VPS13B: variants seen among roughly 807,000 people sequenced by gnomAD.
VPS13B encodes intermembrane lipid transfer protein VPS13B.
VPS13B carries 285 observed loss-of-function variants against 426.4 expected under a neutral mutation model. The observed-to-expected ratio is 0.67, with a 90% confidence interval of 0.61 to 0.74. The LOEUF is 0.74. Ranked by LOEUF, VPS13B falls within the 30% of genes least tolerant of loss-of-function variation. The probability of loss-of-function intolerance (pLI) is 0.00; values close to 1 mark genes in which losing one functional copy is unlikely to be tolerated. For synonymous variants in VPS13B, 1,676 were observed against 1,676.4 expected, an observed-to-expected ratio of 1.00 and a Z score of 0.01; for missense variants, 4,537 against 4,782.6, an observed-to-expected ratio of 0.95 and a Z score of 1.51.
chr8:99,203,409 C>T (rs1814478089), intron 17 of VPS13B, among the ~76,000 whole-genome samples: 1 of 152,146 alleles, frequency 6.6e-6, no homozygotes, highest in Admixed American at 6.5e-5. Flanking sequence ...CAGTATCATA[C>T]TGAACAGGCA....
At chr8:99,090,783 C>T (rs899224254) in intron 3 of VPS13B, among the ~76,000 whole-genome samples, 2 of 151,970 alleles carry the variant, frequency 1.3e-5, no homozygotes, top group African/African-American at 4.8e-5. Flanking sequence ...TGTTCAATAA[C>T]CCAGTTCCCC....
intron 58 of VPS13B, among the ~76,000 whole-genome samples, chr8:99,862,712 A>C (rs1406353259): frequency 6.6e-6 from 1 of 152,160 alleles, no homozygotes; most frequent in African/African-American, 2.4e-5. Flanking sequence ...AGTGCAGAGC[A>C]AAGGGTAGAA....
intron 33 of VPS13B, among the ~76,000 whole-genome samples, chr8:99,591,434 T>G (rs1167679478): frequency 6.6e-6 from 1 of 152,142 alleles, no homozygotes; most frequent in Non-Finnish European, 1.5e-5. Flanking sequence ...ATGATGCAGT[T>G]TCTTCATAGC....
intron 27 of VPS13B, among the ~76,000 whole-genome samples, chr8:99,506,171 G>A (rs772390407): frequency 6.6e-6 from 1 of 152,132 alleles, no homozygotes; most frequent in Admixed American, 6.5e-5. Context: ...TATAATCACT[G>A]AGATGGAGCA....
intron 16 of VPS13B, among the ~76,000 whole-genome samples, chr8:99,189,857 A>G (rs1813457241): frequency 6.6e-6 from 1 of 152,124 alleles, no homozygotes; most frequent in Non-Finnish European, 1.5e-5. Flanking sequence ...AGCCTTTTTC[A>G]TTCTACTTAG....
intron 21 of VPS13B, among the ~76,000 whole-genome samples, chr8:99,403,210 T>C (rs950799337): frequency 4.6e-5 from 7 of 152,174 alleles, no homozygotes; most frequent in Non-Finnish European, 7.3e-5. Flanking sequence ...GTTTTGTACA[T>C]GGCTGGGGTA....
intron 33 of VPS13B, among the ~76,000 whole-genome samples, chr8:99,624,012 T>A (rs1195970384): frequency 0.02 from 2,583 of 131,182 alleles, 15 homozygotes; most frequent in African/African-American, 0.025. Context: ...TATATATTTT[T>A]TTTTTTTTTT....
At chr8:99,872,365 T>C (rs1377741595) in intron 61 of VPS13B, among the ~76,000 whole-genome samples, 3 of 152,182 alleles carry the variant, frequency 2.0e-5, no homozygotes, top group Admixed American at 6.5e-5. Context: ...CACAGGATAG[T>C]TTCCCACCCC....
At chr8:99,689,706 T>A (rs1016176261) in intron 35 of VPS13B, among the ~76,000 whole-genome samples, 2 of 152,196 alleles carry the variant, frequency 1.3e-5, no homozygotes, top group Non-Finnish European at 2.9e-5. Context: ...AATAGTTTTT[T>A]TCTGTGTCCC....
chr8:99,640,053 A>AGAAGAAGAAGAAGAAG (rs1364476294), intron 33 of VPS13B, among the ~76,000 whole-genome samples: 3 of 48,780 alleles, frequency 6.2e-5, no homozygotes, highest in African/African-American at 2.9e-4. Flanking sequence ...GAAGAAGAGA[A>AGAAGAAGAAGAAGAAG]AAGAAAAGAA....
intron 36 of VPS13B, among the ~76,000 whole-genome samples, chr8:99,715,758 A>G (rs2130306577): frequency 6.6e-6 from 1 of 152,328 alleles, no homozygotes; most frequent in Admixed American, 6.5e-5. Flanking sequence ...AAATAATTGT[A>G]CTGAATTAAG....
chr8:99,059,730 C>G (rs1465141072), intron 3 of VPS13B, among the ~76,000 whole-genome samples: 2 of 110,176 alleles, frequency 1.8e-5, no homozygotes, highest in East Asian at 5.4e-4. Context: ...TTAGCTTCTG[C>G]TTTTTTTTTT....
intron 33 of VPS13B, among the ~76,000 whole-genome samples, chr8:99,610,431 T>C (rs1194472633): frequency 6.6e-6 from 1 of 152,156 alleles, no homozygotes; most frequent in South Asian, 2.1e-4. Flanking sequence ...GTTCATGTCC[T>C]TTGCGGGGAC....
intron 30 of VPS13B, among the ~76,000 whole-genome samples, chr8:99,540,036 TA>T (rs1823492133): frequency 2.3e-4 from 1 of 4,394 alleles, no homozygotes; most frequent in Non-Finnish European, 5.4e-4. Context: ...TATATATATA[TA>T]TATATATATA....
chr8:99,077,902 A>G (rs908520028), intron 3 of VPS13B, among the ~76,000 whole-genome samples: 1 of 152,136 alleles, frequency 6.6e-6, no homozygotes, highest in African/African-American at 2.4e-5. Context: ...TTTAAAAAAG[A>G]AAAAAGTTAT....
At position 99,793,254 on chromosome 8, in the gene VPS13B, C is replaced by CATATATATATATAT. The variant is rs779913773; in HGVS notation, c.7941+8796_7941+8809dup. ...TTTGGAGACAGGGTCTTGCCCTCTC[C>CATATATATATATAT]ATATATATATATATATATATATATA... is the stretch of plus-strand genomic sequence containing the variant. On this transcript the variant is annotated intron_variant, in intron 43 of 61. Coordinates refer to ENST00000357162, the MANE Select transcript of VPS13B (RefSeq NM_152564.5). Among the ~76,000 whole-genome samples the CATATATATATATAT allele has an allele frequency of 1.5e-3, 161 of 106,980 alleles. 1 individual carries two copies. The highest frequency in any genetic ancestry group is 3.8e-3 in the African/African-American group (105 of 27,820). 70.2% of individuals were successfully genotyped at this position (106,980 alleles called of 152,430 possible).
chr8:99,326,585 G>C (rs1810292444), intron 19 of VPS13B, among the ~76,000 whole-genome samples: 1 of 144,982 alleles, frequency 6.9e-6, no homozygotes, highest in African/African-American at 2.5e-5. Context: ...TTTTTGTAGA[G>C]ATGAGGTTTT....
intron 31 of VPS13B, among the ~76,000 whole-genome samples, chr8:99,558,495 G>A (rs1393133480): frequency 6.6e-6 from 1 of 152,040 alleles, no homozygotes; most frequent in Non-Finnish European, 1.5e-5. Context: ...GTGCCATGTT[G>A]GTGTGCTGCA....
intron 21 of VPS13B, among the ~76,000 whole-genome samples, chr8:99,395,851 G>A (rs376682974): frequency 2.5e-4 from 38 of 152,172 alleles, no homozygotes; most frequent in South Asian, 6.2e-4. Flanking sequence ...TCATAACTAC[G>A]TTGAGGTATT....
Sources: allele counts gnomAD v4.1 joint callset (sites outside exome capture counted in the v4.1 genomes callset), GRCh38; gene constraint gnomAD v4.1.1; transcripts MANE v1.5; gene names NCBI Gene and HGNC (gene_info 2026-07-23, HGNC 2026-07-21).